The following GOLM2 variants were observed in gnomAD, a reference collection of about 807,000 sequenced individuals.
GOLM2 encodes the protein golgi membrane protein 2.
In GOLM2, 26 loss-of-function variants were observed where a neutral mutation model predicts 55.9. The ratio of observed to expected loss-of-function variants is 0.47; its 90% CI spans 0.34 to 0.65. GOLM2 has a LOEUF of 0.65. Ranked by LOEUF, GOLM2 falls within the 30% of genes least tolerant of loss-of-function variation. GOLM2 has a pLI of 0.01. For missense variants in GOLM2, 486 were observed against 531.8 expected, an observed-to-expected ratio of 0.91 and a Z score of 0.85; for synonymous variants, 165 against 194.6, an observed-to-expected ratio of 0.85 and a Z score of 1.27.
chr15:44,346,248 G>C (rs2079123826), intron 6 of GOLM2: 1 of 151,644 alleles, frequency 6.6e-6, no homozygotes, highest in South Asian at 2.1e-4. Context: ...CTATTTGTAA[G>C]ATAACAGATT....
At chr15:44,381,617 G>A (rs945009740) in intron 8 of GOLM2, among the ~76,000 whole-genome samples, 3 of 152,136 alleles carry the variant, frequency 2.0e-5, no homozygotes, top group East Asian at 1.9e-4. Flanking sequence ...TTTGTCTTTG[G>A]TTTATTTATT....
intron 1 of GOLM2, among the ~76,000 whole-genome samples, chr15:44,310,177 C>T (rs1285706214): frequency 6.6e-6 from 1 of 152,060 alleles, no homozygotes; most frequent in Non-Finnish European, 1.5e-5. Context: ...AGCTGCTGCA[C>T]CCAGCCAGAG....
intron 6 of GOLM2, among the ~76,000 whole-genome samples, chr15:44,378,205 C>T (rs989204080): frequency 1.1e-4 from 16 of 151,482 alleles, no homozygotes; most frequent in Non-Finnish European, 1.3e-4. Flanking sequence ...CCCGCCACCA[C>T]GCCCGGCTAA....
chr15:44,399,717 G>A (rs1224556092), intron 8 of GOLM2, among the ~76,000 whole-genome samples: 5 of 152,032 alleles, frequency 3.3e-5, no homozygotes, highest in Admixed American at 1.3e-4. Flanking sequence ...AATGAAGGCC[G>A]AGCGTGGTGT....
intron 9 of GOLM2, 31 bp from the exon 10 acceptor site, chr15:44,413,305 A>G (rs758333676): frequency 2.8e-5 from 42 of 1,521,468 alleles, no homozygotes; most frequent in African/African-American, 4.1e-5. Flanking sequence ...TTAAAAAATA[A>G]TATGTTGATA....
In GOLM2 at chr15:44,380,883, G is replaced by A; in HGVS notation, c.979G>A (p.Gly327Ser). 6.3e-7 allele frequency: 1 copy of A among 1,599,034 alleles called. No homozygotes were observed. Among genetic ancestry groups the A allele is most frequent in the African/African-American group, 1.3e-5 (1 of 74,582 alleles). ...CAGTCCTCTTCAGCGTTTAATTCCA[G>A]GCTCAAACTTGGACAGTGAACCCAG... Reference protein sequence around the residue: ...PSSPLQRLIPGSNLDSEPRIQ... With the variant: ...PSSPLQRLIPSSNLDSEPRIQ... Residue 327 changes from glycine to serine, a missense_variant, in exon 8 of 10, where the codon GGC (glycine) becomes AGC (serine). Physicochemically the swap from Gly to Ser is moderately conservative, Grantham distance 56 (BLOSUM62 0). Coordinates refer to ENST00000299957, the MANE Select transcript of GOLM2 (RefSeq NM_138423.4).
chr15:44,385,687 C>G (rs1298483112), intron 8 of GOLM2, among the ~76,000 whole-genome samples: 2 of 152,138 alleles, frequency 1.3e-5, no homozygotes, highest in Non-Finnish European at 2.9e-5. Flanking sequence ...GCTATGGCTA[C>G]AGGCATACCC....
intron 4 of GOLM2, among the ~76,000 whole-genome samples, chr15:44,335,276 G>A (rs76927484): frequency 0.1 from 15,894 of 152,088 alleles, 1,798 homozygotes; most frequent in African/African-American, 0.27. Flanking sequence ...TGTAAATCTA[G>A]AATTATTTCA....
rs372359428 is a variant in GOLM2 at position 44,332,034 on chromosome 15, G to T, written c.532G>T (p.Glu178Ter). ...GAAGGAATTGAGAGCACAGCATGAAGAAAATATTAAAAAGTTAGCAGACCA... is the reference window on the plus strand; with the variant it reads ...GAAGGAATTGAGAGCACAGCATGAATAAAATATTAAAAAGTTAGCAGACCA... ...QMKELRAQHE[E>*]NIKKLADQFL... The change falls in exon 4 of 10, where the codon GAA (glutamate) becomes TAA (stop). Residue 178 changes from glutamate to a stop codon, truncating the protein, a stop_gained. Transcript: ENST00000299957. LOFTEE classifies it high-confidence loss of function. 3 of 1,602,972 alleles carry T rather than the reference G, an allele frequency of 1.9e-6. No homozygotes were observed. In the African/African-American group the frequency reaches 4.0e-5, roughly 21 times the overall value.
At chr15:44,309,535 T>C (rs1480499038) in intron 1 of GOLM2, among the ~76,000 whole-genome samples, 1 of 152,212 alleles carries the variant, frequency 6.6e-6, no homozygotes, top group Non-Finnish European at 1.5e-5. Context: ...TTGTTTTAGC[T>C]AAAAAGGCTA....
chr15:44,402,826 G>C (rs538524158), intron 8 of GOLM2, 61 bp from the exon 9 acceptor site: 28 of 1,560,130 alleles, frequency 1.8e-5, no homozygotes, highest in South Asian at 5.7e-5. Flanking sequence ...TCTGCCTTCC[G>C]TATAGATTCC....
In GOLM2 at chr15:44,327,689, A is replaced by G. The variant is rs948116446; in HGVS notation, c.383-996A>G. Among the ~76,000 whole-genome samples the G allele has an allele frequency of 3.3e-5, 5 of 152,188 alleles. No individual in the cohort carries two copies. The East Asian group carries it at 9.7e-4, about 29-fold the overall frequency. ...TCACCTATCTGTGAAATTAACATTC[A>G]CTCTTTTCCGCCTGCATTTCTTTTG... is the stretch of plus-strand genomic sequence containing the variant. On this transcript the variant is annotated intron_variant, in intron 2 of 9. Transcript: ENST00000299957.
At chr15:44,367,801 A>AT (rs2079296255) in intron 6 of GOLM2, among the ~76,000 whole-genome samples, 2 of 152,020 alleles carry the variant, frequency 1.3e-5, no homozygotes, top group African/African-American at 4.8e-5. Flanking sequence ...AAAAAAAAAA[A>AT]AAAAGATGCA....
chr15:44,301,394 C>T lies in GOLM2; in HGVS notation c.327+12038C>T, dbSNP rs76840515. Among the ~76,000 whole-genome samples, 21 of 152,284 alleles carry T rather than the reference C, an allele frequency of 1.4e-4. No individual in the cohort carries two copies. In the East Asian group the frequency reaches 3.9e-3, roughly 28 times the overall value. On this transcript the variant is annotated intron_variant, in intron 1 of 9. Coordinates refer to ENST00000299957, the MANE Select transcript of GOLM2 (RefSeq NM_138423.4). ...TTTTCCCACTCAATGTTTACATATG[C>T]TGTGCTTCCATCTTTAACCCCATTT...
At chr15:44,340,823 T>C (rs1269240309) in intron 6 of GOLM2, among the ~76,000 whole-genome samples, 1 of 152,196 alleles carries the variant, frequency 6.6e-6, no homozygotes, top group African/African-American at 2.4e-5. Flanking sequence ...GCACTTACTC[T>C]AGTCCTAGGC....
intron 9 of GOLM2, among the ~76,000 whole-genome samples, chr15:44,413,081 T>G (rs546752778): frequency 6.6e-6 from 1 of 152,178 alleles, no homozygotes; most frequent in African/African-American, 2.4e-5. Flanking sequence ...TTACTAGTTA[T>G]GTCTATCTGG....
chr15:44,352,509 C>G (rs2079171333), intron 6 of GOLM2, among the ~76,000 whole-genome samples: 1 of 152,084 alleles, frequency 6.6e-6, no homozygotes, highest in South Asian at 2.1e-4. Flanking sequence ...TCAGACTGGG[C>G]AAAGATTTCT....
At chr15:44,382,615 C>T (rs117647923) in intron 8 of GOLM2, among the ~76,000 whole-genome samples, 1,756 of 152,232 alleles carry the variant, frequency 0.012, 39 homozygotes, top group East Asian at 0.087. Context: ...TCATGAACTA[C>T]TGCTCCCGGC....
At chr15:44,323,079 A>C in intron 2 of GOLM2, 60 bp downstream of exon 2, 1 of 1,117,588 alleles carries the variant, frequency 8.9e-7, no homozygotes, top group Non-Finnish European at 1.3e-6. Flanking sequence ...TAAAATTGTG[A>C]AGAATTAAGA....
Sources: allele counts gnomAD v4.1 joint callset (sites outside exome capture counted in the v4.1 genomes callset), GRCh38; gene constraint gnomAD v4.1.1; transcripts MANE v1.5; gene names NCBI Gene and HGNC (gene_info 2026-07-23, HGNC 2026-07-21).